The following CEP164 variants were observed in gnomAD, a reference collection of about 807,000 sequenced individuals.
CEP164 encodes centrosomal protein of 164 kDa.
A neutral mutation model predicts 182.7 loss-of-function variants in CEP164; 162 were observed. That is an observed-to-expected ratio of 0.89 (90% CI 0.78 to 1.01). The LOEUF (loss-of-function observed/expected upper bound fraction) is 1.01, where lower values mean the gene tolerates loss of function less well. Among genes scored for constraint, CEP164 ranks in the 50% least tolerant of loss-of-function variants. The probability of loss-of-function intolerance (pLI) is 0.00; values close to 1 mark genes in which losing one functional copy is unlikely to be tolerated. For missense variants in CEP164, 1,735 were observed against 1,790.4 expected (o/e 0.97, Z 0.56); for synonymous variants, 661 against 690.0 (o/e 0.96, Z 0.66).
chr11:117,336,491 G>T (rs899641117), intron 2 of CEP164: 14 of 1,496,626 alleles, frequency 9.4e-6, no homozygotes, highest in East Asian at 2.3e-5. Flanking sequence ...TTGCCCTGGG[G>T]AACTCCTAGG....
chr11:117,340,919 C>T (rs1190589942), intron 3 of CEP164, among the ~76,000 whole-genome samples: 1 of 152,186 alleles, frequency 6.6e-6, no homozygotes, highest in African/African-American at 2.4e-5. Context: ...CTGCAACCTC[C>T]AGGTTCAAGT....
At chr11:117,369,599 T>G (rs1431139021) in intron 8 of CEP164, among the ~76,000 whole-genome samples, 1 of 152,152 alleles carries the variant, frequency 6.6e-6, no homozygotes, top group Non-Finnish European at 1.5e-5. Flanking sequence ...TTCTTGGACC[T>G]CTCCACTCTC....
At chr11:117,370,823 A>G (rs1361927384) in intron 8 of CEP164, among the ~76,000 whole-genome samples, 1 of 152,044 alleles carries the variant, frequency 6.6e-6, no homozygotes, top group African/African-American at 2.4e-5. Flanking sequence ...AGGGACGAGA[A>G]TCGCTTGAAC....
chr11:117,409,979 T>G lies in CEP164; in HGVS notation c.4096+14T>G. 1 of 1,612,478 alleles carries G rather than the reference T, an allele frequency of 6.2e-7. No individual in the cohort carries two copies. Among genetic ancestry groups the G allele is most frequent in the Non-Finnish European group, 8.5e-7 (1 of 1,178,800 alleles). Reference sequence around the variant, plus strand: ...AGTATTTTCCATGTAAGCCCCACTCTGGGCGGAGCCTTCCCACCTGCCTCC... The same window carrying G: ...AGTATTTTCCATGTAAGCCCCACTCGGGGCGGAGCCTTCCCACCTGCCTCC... On this transcript the variant is annotated intron_variant, in intron 30 of 32. Coordinates refer to ENST00000278935, the MANE Select transcript of CEP164 (RefSeq NM_014956.5). The surrounding 1 kb of genome is among the most constrained non-coding windows in gnomAD (Gnocchi z 4.4).
chr11:117,339,555 G>T (rs1342133476), intron 3 of CEP164, among the ~76,000 whole-genome samples: 1 of 100,700 alleles, frequency 9.9e-6, no homozygotes, highest in Non-Finnish European at 1.8e-5. Context: ...TTGAGACAGA[G>T]TCTCACTCTG....
In CEP164 at chr11:117,371,074, C is replaced by G; in HGVS notation, c.766-6C>G. ...TTCCTTTCTAACATGGTCTGTTGCT[C>G]CCTAGGAGTCTCTGAGAACAAGCCA... On this transcript the variant is annotated splice_region_variant and splice_polypyrimidine_tract_variant and intron_variant, in intron 8 of 32. Transcript: ENST00000278935. The G allele has an allele frequency of 6.3e-7, 1 of 1,581,902 alleles. No homozygotes were observed. Among genetic ancestry groups the G allele is most frequent in the Non-Finnish European group, 8.6e-7 (1 of 1,162,514 alleles).
chr11:117,354,444 C>T (rs2040068615), intron 5 of CEP164, among the ~76,000 whole-genome samples: 1 of 152,168 alleles, frequency 6.6e-6, no homozygotes, highest in Non-Finnish European at 1.5e-5. Flanking sequence ...CAAGTCAGTT[C>T]CTCTATAGAG....
In CEP164 at chr11:117,351,999, GGA is replaced by G. The variant is rs769743533; in HGVS notation, c.393+12_393+13del. On this transcript the variant is annotated intron_variant, in intron 5 of 32. Coordinates refer to ENST00000278935, the MANE Select transcript of CEP164 (RefSeq NM_014956.5). ...CCCAAAAGTTCGCTGGTGAGTCAGTGGATGCCTCCTCCCAGAGAGGCCAGGGC... is the reference window on the plus strand; with the variant it reads ...CCCAAAAGTTCGCTGGTGAGTCAGTGTGCCTCCTCCCAGAGAGGCCAGGGC... 6.4e-7 allele frequency: 1 copy of G among 1,558,950 alleles called. No individual in the cohort carries two copies. Among genetic ancestry groups the G allele is most frequent in the South Asian group, 1.2e-5 (1 of 85,200 alleles).
intron 1 of CEP164, among the ~76,000 whole-genome samples, chr11:117,329,839 C>CTTTTTTTTT (rs61429989): frequency 2.1e-5 from 2 of 95,560 alleles, no homozygotes; most frequent in Non-Finnish European, 1.9e-5. Context: ...TGCGCCTGGC[C>CTTTTTTTTT]TTTTTTTTTT....
intron 4 of CEP164, 127 bp from the exon 5 acceptor site, chr11:117,351,663 C>T (rs2039640920): frequency 3.8e-6 from 3 of 792,310 alleles, no homozygotes; most frequent in Non-Finnish European, 4.1e-6. Flanking sequence ...CATCTTCTCC[C>T]TCCCTTTTCC....
chr11:117,381,589 A>T, intron 12 of CEP164, 112 bp from the exon 13 acceptor site: 1 of 1,269,476 alleles, frequency 7.9e-7, no homozygotes. Context: ...GTGGGGCTGG[A>T]GCATAACCCA....
chr11:117,351,119 G>A (rs555901750), intron 4 of CEP164, among the ~76,000 whole-genome samples: 1 of 152,174 alleles, frequency 6.6e-6, no homozygotes, highest in African/African-American at 2.4e-5. Context: ...TGCAACCTCC[G>A]ACTCCCAGGT....
At chr11:117,330,115 C>T (rs1366390352) in intron 1 of CEP164, among the ~76,000 whole-genome samples, 1 of 152,114 alleles carries the variant, frequency 6.6e-6, no homozygotes, top group Non-Finnish European at 1.5e-5. Context: ...GGATCACCTG[C>T]TTATCCTTCA....
chr11:117,411,894 A>G lies in CEP164; in HGVS notation c.4263A>G (p.Glu1421=). The G allele has an allele frequency of 6.2e-7, 1 of 1,614,130 alleles. No individual in the cohort carries two copies. The highest frequency in any genetic ancestry group is 2.2e-5 in the East Asian group (1 of 44,880). Reference sequence around the variant, plus strand: ...TTGAGGCCAACCGGAGGTGGCTGGAACGTGTCAAGAATGACCCCAGGTTGT... The same window carrying G: ...TTGAGGCCAACCGGAGGTGGCTGGAGCGTGTCAAGAATGACCCCAGGTTGT... ...GIIEANRRWL[E]RVKNDPRLPL... is the part of the protein sequence containing the mutation. The change falls in exon 32 of 33, where the codon GAA becomes GAG. Residue 1421 remains glutamate, a synonymous_variant. Transcript: ENST00000278935. This position sits in a 1 kb window ranked among gnomAD's most constrained non-coding sequence, Gnocchi z 4.4.
Position 117,322,226 on chromosome 11 carries a change from C to T in CEP164, c.-98+7498C>T, listed in dbSNP as rs991513484. On this transcript the variant is annotated intron_variant, in intron 1 of 4. Transcript: ENST00000525734. ...CACCTCCCAGGTTCAAGGGATTCTCCGGCCTCAGCCTCCTGAGTAGCTGGG... is the reference window on the plus strand; with the variant it reads ...CACCTCCCAGGTTCAAGGGATTCTCTGGCCTCAGCCTCCTGAGTAGCTGGG... 1.1e-4 allele frequency among the ~76,000 whole-genome samples: 16 copies of T among 152,170 alleles called. 1 individual carries two copies. In the South Asian group the frequency reaches 3.1e-3, roughly 30 times the overall value.
chr11:117,408,319 C>T (rs905220839), intron 28 of CEP164, among the ~76,000 whole-genome samples: 1 of 152,218 alleles, frequency 6.6e-6, no homozygotes, highest in African/African-American at 2.4e-5. Context: ...GCCCTGGTCC[C>T]TAAGGACAGG....
At chr11:117,360,885 G>C (rs1160852871) in intron 5 of CEP164, among the ~76,000 whole-genome samples, 1 of 151,044 alleles carries the variant, frequency 6.6e-6, no homozygotes, top group African/African-American at 2.4e-5. Context: ...GAATTCTTCT[G>C]GTAGATGAGG....
chr11:117,395,239 G>A, intron 23 of CEP164, 48 bp downstream of exon 23: 1 of 1,593,360 alleles, frequency 6.3e-7, no homozygotes, highest in Non-Finnish European at 8.6e-7. Flanking sequence ...TCCATTTCCT[G>A]TCTTTCTTCT....
chr11:117,361,703 TAGC>T, intron 5 of CEP164, 129 bp from the exon 6 acceptor site: 1 of 850,440 alleles, frequency 1.2e-6, no homozygotes, highest in South Asian at 1.6e-5. Context: ...TGTGTTTCAT[TAGC>T]AGCCTCTGAG....
Sources: allele counts gnomAD v4.1 joint callset (sites outside exome capture counted in the v4.1 genomes callset), GRCh38; gene constraint gnomAD v4.1.1; non-coding constraint Gnocchi (gnomAD v3.1); transcripts MANE v1.5; gene names NCBI Gene and HGNC (gene_info 2026-07-23, HGNC 2026-07-21).